Variants in SLC5A5 observed in about 807,000 individuals in gnomAD.
The protein encoded by SLC5A5 is sodium/iodide cotransporter.
A neutral mutation model predicts 68.6 loss-of-function variants in SLC5A5; 56 were observed. The ratio of observed to expected loss-of-function variants is 0.82; its 90% confidence interval spans 0.66 to 1.02. The LOEUF is 1.02. SLC5A5 is among the 50% of genes least tolerant of loss of function. SLC5A5 has a pLI of 0.00. For synonymous variants in SLC5A5, 398 were observed against 373.0 expected, an observed-to-expected ratio of 1.07 and a Z score of -0.77; for missense variants, 807 against 859.8, an observed-to-expected ratio of 0.94 and a Z score of 0.77.
intron 1 of SLC5A5, among the ~76,000 whole-genome samples, chr19:17,873,226 C>CGAGGTGGGTGGATCACG (rs2094298657): frequency 6.6e-6 from 1 of 152,036 alleles, no homozygotes; most frequent in African/African-American, 2.4e-5. Flanking sequence ...TTTGGGAGGC[C>CGAGGTGGGTGGATCACG]AAAGCATGCA....
intron 14 of SLC5A5, among the ~76,000 whole-genome samples, chr19:17,892,750 A>C (rs910319738): frequency 6.6e-6 from 1 of 151,118 alleles, no homozygotes; most frequent in African/African-American, 2.4e-5. Flanking sequence ...TATTCAAAGG[A>C]TAATAAAACC....
In SLC5A5 at chr19:17,883,696, A is replaced by T; in HGVS notation, c.1258A>T (p.Met420Leu). 3 of 1,605,394 alleles carry T rather than the reference A, an allele frequency of 1.9e-6. No homozygotes were observed. Among genetic ancestry groups the T allele is most frequent in the Non-Finnish European group, 2.6e-6 (3 of 1,175,294 alleles). ...GGVLQGSFTV[M>L]GVISGPLLGA... ...ACTCTCCCAGGGCTCCTTCACCGTC[A>T]TGGGAGTCATCAGCGGCCCCCTGCT... The change falls in exon 11 of 15, where the codon ATG (methionine) becomes TTG (leucine). Residue 420 changes from methionine (M) to leucine (L), a missense_variant. Coordinates refer to ENST00000222248, the MANE Select transcript of SLC5A5 (RefSeq NM_000453.3).
chr19:17,874,338 C>A, intron 2 of SLC5A5, 135 bp downstream of exon 2: 1 of 862,620 alleles, frequency 1.2e-6, no homozygotes, highest in South Asian at 1.4e-5. Context: ...CCATCAGTCC[C>A]CTCCCACACC....
chr19:17,876,198 G>A, intron 5 of SLC5A5, 92 bp downstream of exon 5: 3 of 1,356,230 alleles, frequency 2.2e-6, no homozygotes, highest in Non-Finnish European at 3.1e-6. Context: ...GGGAGGCCGA[G>A]GCGGGCAGAT....
intron 13 of SLC5A5, among the ~76,000 whole-genome samples, chr19:17,889,881 G>A (rs1410918058): frequency 6.6e-6 from 1 of 152,168 alleles, no homozygotes; most frequent in African/African-American, 2.4e-5. Context: ...AAAAGTAGAA[G>A]GAGACAAAGA....
At chr19:17,883,322 T>C (rs1461243377) in intron 10 of SLC5A5, among the ~76,000 whole-genome samples, 1 of 134,646 alleles carries the variant, frequency 7.4e-6, no homozygotes, top group Non-Finnish European at 1.6e-5. Context: ...AAGGGGGAGG[T>C]GGCGACAGAA....
At position 17,872,225 on chromosome 19, in the gene SLC5A5, C is replaced by T; in HGVS notation, c.-95C>T. 1 of 443,494 alleles carries T rather than the reference C, an allele frequency of 2.3e-6. No homozygotes were observed. The allele number at this position is 443,494 out of a possible 1,614,324, so 27.5% of individuals were successfully genotyped here. A position where few individuals can be genotyped will look rare whatever the true frequency, so the allele number is the denominator to read the frequency against. ...ACAGGCTGCCGAGCATCCTCCCACCCGCCCTCCCCGTCCTGCCTCCTCGGC... is the reference window on the plus strand; with the variant it reads ...ACAGGCTGCCGAGCATCCTCCCACCTGCCCTCCCCGTCCTGCCTCCTCGGC... On this transcript the variant is annotated 5_prime_UTR_variant, in exon 1 of 15. Coordinates refer to ENST00000222248, the MANE Select transcript of SLC5A5 (RefSeq NM_000453.3).
intron 13 of SLC5A5, among the ~76,000 whole-genome samples, chr19:17,888,848 T>C (rs2030035504): frequency 6.6e-6 from 1 of 151,332 alleles, no homozygotes. Context: ...CTCGAACTCC[T>C]GGGCTCAAGT....
chr19:17,887,828 G>A (rs1376341966), intron 12 of SLC5A5, among the ~76,000 whole-genome samples: 1 of 150,060 alleles, frequency 6.7e-6, no homozygotes, highest in Non-Finnish European at 1.5e-5. Flanking sequence ...GGATGGTCTC[G>A]ATCTCCTGAC....
At chr19:17,888,196 TG>T in intron 12 of SLC5A5, 134 bp from the exon 13 acceptor site, 1 of 1,080,964 alleles carries the variant, frequency 9.3e-7, no homozygotes, top group Non-Finnish European at 1.4e-6. Flanking sequence ...TGCACAGATC[TG>T]GGCAGACAGT....
intron 1 of SLC5A5, 26 bp downstream of exon 1, chr19:17,872,702 G>A: frequency 7.1e-7 from 1 of 1,402,096 alleles, no homozygotes. Flanking sequence ...CCGGGGGTAG[G>A]ACCTGCCCCA....
chr19:17,877,235 G>A (rs527494616), intron 5 of SLC5A5, among the ~76,000 whole-genome samples: 3 of 152,116 alleles, frequency 2.0e-5, no homozygotes, highest in East Asian at 1.9e-4. Flanking sequence ...AAACAAATAC[G>A]TGAATTTTCA....
chr19:17,886,137 A>G (rs1288010715), intron 12 of SLC5A5, among the ~76,000 whole-genome samples: 1 of 152,158 alleles, frequency 6.6e-6, no homozygotes. Context: ...CTGGGATTAC[A>G]GCAGAGTACA....
chr19:17,892,254 C>T (rs1035903685), intron 14 of SLC5A5, among the ~76,000 whole-genome samples: 11 of 150,976 alleles, frequency 7.3e-5, no homozygotes, highest in East Asian at 2.0e-4. Context: ...GCTGAGATCG[C>T]GCCACTGCAT....
chr19:17,892,493 C>T (rs1035836483), intron 14 of SLC5A5, among the ~76,000 whole-genome samples: 3 of 151,868 alleles, frequency 2.0e-5, no homozygotes, highest in African/African-American at 4.8e-5. Flanking sequence ...AAAAATTAGC[C>T]GGGTGTGGTG....
At position 17,894,268 on chromosome 19, in the gene SLC5A5, C is replaced by G; in HGVS notation, c.*391C>G. 1 of 211,498 alleles carries G rather than the reference C, an allele frequency of 4.7e-6. No individual in the cohort carries two copies. Among genetic ancestry groups the G allele is most frequent in the Non-Finnish European group, 9.6e-6 (1 of 103,682 alleles). The allele number at this position is 211,498 out of a possible 1,614,324, so 13.1% of individuals were successfully genotyped here. A position where few individuals can be genotyped will look rare whatever the true frequency, so the allele number is the denominator to read the frequency against. On this transcript the variant is annotated 3_prime_UTR_variant, in exon 15 of 15. Transcript: ENST00000222248. Reference sequence around the variant, plus strand: ...GCTCAAGTGATTCTCCTGCCTCAGCCTCTTGAGTAGCTGGGATTGTAGGTG... The same window carrying G: ...GCTCAAGTGATTCTCCTGCCTCAGCGTCTTGAGTAGCTGGGATTGTAGGTG...
chr19:17,894,024 G>T lies in SLC5A5; in HGVS notation c.*147G>T, dbSNP rs1599939454. 2 of 794,104 alleles carry T rather than the reference G, an allele frequency of 2.5e-6. No individual in the cohort carries two copies. The highest frequency in any genetic ancestry group is 4.1e-6 in the Non-Finnish European group (2 of 485,596). 49.2% of individuals were successfully genotyped at this position (794,104 alleles called of 1,614,324 possible). ...AGGACTACAATACCCTACCCTATGG[G>T]GAGGCCCTGCCTCCGGGAGGTCATT... is the stretch of plus-strand genomic sequence containing the variant. On this transcript the variant is annotated 3_prime_UTR_variant, in exon 15 of 15. Coordinates refer to ENST00000222248, the MANE Select transcript of SLC5A5 (RefSeq NM_000453.3).
chr19:17,883,485 G>T (rs902321419), intron 10 of SLC5A5, among the ~76,000 whole-genome samples, 196 bp from the exon 11 acceptor site: 2 of 148,374 alleles, frequency 1.3e-5, no homozygotes. Context: ...GATAATCAGT[G>T]TCTTTGCCTC....
Position 17,893,761 on chromosome 19 carries a change from C to A in SLC5A5, c.1816C>A (p.Pro606Thr). Residue 606 changes from proline to threonine, a missense_variant, in exon 15 of 15, where the codon CCC becomes ACC. Transcript: ENST00000222248. ...AAACAAGAAGCCCCCTGGCTTCCTGCCCACCAATGAGGATCGTCTGTTTTT... is the reference window on the plus strand; with the variant it reads ...AAACAAGAAGCCCCCTGGCTTCCTGACCACCAATGAGGATCGTCTGTTTTT... Reference protein sequence around the residue: ...TGNKKPPGFLPTNEDRLFFLG... With the variant: ...TGNKKPPGFLTTNEDRLFFLG... The A allele has an allele frequency of 6.2e-7, 1 of 1,613,810 alleles. No individual in the cohort carries two copies. The highest frequency in any genetic ancestry group is 8.5e-7 in the Non-Finnish European group (1 of 1,179,880).
Sources: gnomAD v4.1 joint callset for allele counts (sites outside exome capture counted in the v4.1 genomes callset) on GRCh38, gnomAD v4.1.1 for gene constraint, MANE v1.5 for transcripts, NCBI Gene and HGNC (gene_info 2026-07-23, HGNC 2026-07-21) for gene names.